The following ABCB11 variants were observed in gnomAD, a reference collection of about 807,000 sequenced individuals.
The protein encoded by ABCB11 is bile salt export pump.
ABCB11 carries 95 observed loss-of-function variants against 148.0 expected under a neutral mutation model. The ratio of observed to expected loss-of-function variants is 0.64; its 90% confidence interval spans 0.54 to 0.76. The LOEUF (loss-of-function observed/expected upper bound fraction) is 0.76. Ranked by LOEUF, ABCB11 falls within the 30% of genes least tolerant of loss-of-function variation. The pLI, the probability that ABCB11 is intolerant of heterozygous loss-of-function variation, is 0.00. For missense variants in ABCB11, 1,523 were observed against 1,617.8 expected (o/e 0.94, Z 1.01); for synonymous variants, 591 against 555.4 (o/e 1.06, Z -0.90).
At position 168,930,822 on chromosome 2, in the gene ABCB11, A is replaced by C; in HGVS notation, c.3254T>G (p.Phe1085Cys). 1.9e-6 allele frequency: 3 copies of C among 1,610,666 alleles called. No homozygotes were observed. Among genetic ancestry groups the C allele is most frequent in the Non-Finnish European group, 2.5e-6 (3 of 1,178,430 alleles). Residue 1085 changes from phenylalanine (F) to cysteine (C), a missense_variant, in exon 25 of 28, where the codon TTT becomes TGT. Physicochemically the swap from Phe to Cys is radical, Grantham distance 205. Transcript: ENST00000650372. ...CGAGTCAGGTCGAGAAGGATATGTA[A>C]ATTTACAATCAACAAAATCAATCTT... Reference protein sequence around the residue: ...QGKIDFVDCKFTYPSRPDSQV... With the variant: ...QGKIDFVDCKCTYPSRPDSQV...
chr2:168,964,360 AG>A, intron 17 of ABCB11, 52 bp from the exon 18 acceptor site: 1 of 1,378,654 alleles, frequency 7.3e-7, no homozygotes, highest in Non-Finnish European at 1.0e-6. Flanking sequence ...AGATTGGAGC[AG>A]GATCAACTGG....
chr2:169,017,826 G>A, intron 2 of ABCB11: 1 of 694,714 alleles, frequency 1.4e-6, no homozygotes, highest in Non-Finnish European at 2.6e-6. Context: ...GGTGAGAGAT[G>A]CTTTCATTTA....
At chr2:168,916,314 A>G (rs1690940346), downstream of ABCB11, among the ~76,000 whole-genome samples, 1 of 152,154 alleles carries the variant, frequency 6.6e-6, no homozygotes, top group Non-Finnish European at 1.5e-5. Context: ...TGAGAGCAGG[A>G]GCTGTACCTG....
intron 9 of ABCB11, among the ~76,000 whole-genome samples, chr2:168,987,554 C>A (rs1033228426): frequency 6.6e-6 from 1 of 152,116 alleles, no homozygotes; most frequent in African/African-American, 2.4e-5. Context: ...CTCAGCCTCC[C>A]AAGTAGCTGG....
At chr2:168,966,243 G>A (rs1034592276) in intron 17 of ABCB11, among the ~76,000 whole-genome samples, 1 of 151,892 alleles carries the variant, frequency 6.6e-6, no homozygotes, top group Non-Finnish European at 1.5e-5. Context: ...AAAAGCAAAT[G>A]CAGAGCAATG....
intron 17 of ABCB11, 71 bp from the exon 18 acceptor site, chr2:168,964,379 G>T: frequency 8.4e-7 from 1 of 1,192,700 alleles, no homozygotes; most frequent in Non-Finnish European, 1.2e-6. Context: ...TGGTGTCCAA[G>T]TTTACATTTC....
intron 19 of ABCB11, among the ~76,000 whole-genome samples, chr2:168,953,098 AT>A (rs1233662080): frequency 6.6e-6 from 1 of 151,616 alleles, no homozygotes; most frequent in African/African-American, 2.4e-5. Context: ...TTTTTAAAAA[AT>A]TCATTAAGAC....
At chr2:168,962,753 T>C (rs1468427004) in intron 18 of ABCB11, among the ~76,000 whole-genome samples, 1 of 151,752 alleles carries the variant, frequency 6.6e-6, no homozygotes, top group Non-Finnish European at 1.5e-5. Context: ...CTTATAGTTA[T>C]CTGGGACAGC....
At chr2:168,967,772 T>A (rs756643204) in intron 17 of ABCB11, among the ~76,000 whole-genome samples, 1 of 151,896 alleles carries the variant, frequency 6.6e-6, no homozygotes, top group Non-Finnish European at 1.5e-5. Context: ...ACTTGTAACA[T>A]CAGAGGAGCA....
At chr2:168,944,379 T>C (rs1376010423) in intron 21 of ABCB11, among the ~76,000 whole-genome samples, 1 of 152,012 alleles carries the variant, frequency 6.6e-6, no homozygotes, top group Non-Finnish European at 1.5e-5. Context: ...TCCAAAACCC[T>C]GACAGATTTT....
At chr2:168,956,743 G>A (rs1692810898) in intron 19 of ABCB11, among the ~76,000 whole-genome samples, 1 of 151,608 alleles carries the variant, frequency 6.6e-6, no homozygotes, top group Non-Finnish European at 1.5e-5. Flanking sequence ...TTGGATGCCT[G>A]TGTGATTCTG....
intron 5 of ABCB11, among the ~76,000 whole-genome samples, chr2:169,000,198 G>T (rs571827792): frequency 6.6e-6 from 1 of 151,570 alleles, no homozygotes; most frequent in African/African-American, 2.4e-5. Context: ...TTATATATTC[G>T]GGATCCTAGT....
rs1188648865 is a variant in ABCB11, at chr2:169,013,486, T to G, written c.175A>C (p.Ile59Leu). The G allele has an allele frequency of 1.2e-6, 2 of 1,613,320 alleles. No homozygotes were observed. Among genetic ancestry groups the G allele is most frequent in the Admixed American group, 1.7e-5 (1 of 59,920 alleles). The change falls in exon 5 of 28, where the codon ATT becomes CTT. Residue 59 changes from isoleucine (I) to leucine (L), a missense_variant. Transcript: ENST00000650372. ...QLFRFSSSTD[I>L]WLMFVGSLCA... Reference sequence around the variant, plus strand: ...AAACTTCCCACAAACATCAGCCAAATGTCAGTTGATGAAGAAAACCGAAAC... The same window carrying G: ...AAACTTCCCACAAACATCAGCCAAAGGTCAGTTGATGAAGAAAACCGAAAC...
intron 1 of ABCB11, among the ~76,000 whole-genome samples, chr2:169,027,616 A>C (rs567841424): frequency 6.6e-6 from 1 of 152,204 alleles, no homozygotes; most frequent in African/African-American, 2.4e-5. Flanking sequence ...TGGTCACTTG[A>C]GAGAACCTAG....
At chr2:168,985,134 C>T (rs1409635184) in intron 10 of ABCB11, among the ~76,000 whole-genome samples, 1 of 151,330 alleles carries the variant, frequency 6.6e-6, no homozygotes, top group Non-Finnish European at 1.5e-5. Flanking sequence ...GGCCAACAAA[C>T]ATATGAAAAA....
chr2:168,967,858 T>C (rs1412100223), intron 17 of ABCB11, among the ~76,000 whole-genome samples: 1 of 151,908 alleles, frequency 6.6e-6, no homozygotes, highest in Non-Finnish European at 1.5e-5. Context: ...CAAAAATATA[T>C]TTTGAAAGTA....
At chr2:168,974,452 AG>A (rs1293906493) in intron 12 of ABCB11, among the ~76,000 whole-genome samples, 3 of 151,980 alleles carry the variant, frequency 2.0e-5, no homozygotes, top group African/African-American at 7.2e-5. Flanking sequence ...ACCAATTAAG[AG>A]GTGATTTTTG....
chr2:168,970,564 G>T (rs4140387), intron 14 of ABCB11: 212,590 of 371,164 alleles, frequency 0.57, 61,613 homozygotes, highest in East Asian at 0.75. Flanking sequence ...GTGTCTCTTT[G>T]CTCCTGTTAG....
intron 13 of ABCB11, among the ~76,000 whole-genome samples, chr2:168,973,131 T>C (rs1356295798): frequency 6.6e-6 from 1 of 151,024 alleles, no homozygotes. Flanking sequence ...AATATTTTCG[T>C]TATAATACAA....
Sources: gnomAD v4.1 joint callset for allele counts (sites outside exome capture counted in the v4.1 genomes callset) on GRCh38, gnomAD v4.1.1 for gene constraint, MANE v1.5 for transcripts, NCBI Gene and HGNC (gene_info 2026-07-23, HGNC 2026-07-21) for gene names.